The following HS2ST1 variants were observed in gnomAD, a reference collection of about 807,000 sequenced individuals.
HS2ST1 encodes 2-O-sulfotransferase.
Under a neutral mutation model 42.9 loss-of-function variants are expected in HS2ST1, and 18 were observed. The ratio of observed to expected loss-of-function variants is 0.42; its 90% CI spans 0.29 to 0.62. The LOEUF (loss-of-function observed/expected upper bound fraction) is 0.62. HS2ST1 is among the 20% of genes least tolerant of loss of function. HS2ST1 has a pLI of 0.21. For missense variants in HS2ST1, 334 were observed against 433.8 expected (o/e 0.77, Z 2.04); for synonymous variants, 146 against 152.9 (o/e 0.95, Z 0.33).
intron 1 of HS2ST1, among the ~76,000 whole-genome samples, chr1:86,930,765 C>T (rs1660526698): frequency 6.6e-6 from 1 of 151,924 alleles, no homozygotes; most frequent in African/African-American, 2.4e-5. Flanking sequence ...TTGCATTGTC[C>T]TCACATAAAT....
chr1:87,072,805 C>A, intron 1 of HS2ST1, 129 bp from the exon 2 acceptor site: 1 of 664,682 alleles, frequency 1.5e-6, no homozygotes, highest in Non-Finnish European at 2.6e-6. Flanking sequence ...TTTTCCATAT[C>A]CCTTGGTTCT....
At chr1:87,023,552 G>A (rs1650005743) in intron 1 of HS2ST1, among the ~76,000 whole-genome samples, 2 of 151,736 alleles carry the variant, frequency 1.3e-5, no homozygotes, top group African/African-American at 4.8e-5. Flanking sequence ...GTATCTCTAT[G>A]AACAGATTAA....
intron 1 of HS2ST1, among the ~76,000 whole-genome samples, chr1:86,943,287 T>C (rs1284745617): frequency 6.6e-6 from 1 of 152,196 alleles, no homozygotes; most frequent in Admixed American, 6.5e-5. Flanking sequence ...CATCTTATTA[T>C]GGAGAAAAAC....
chr1:86,985,083 C>T (rs1326575846), intron 1 of HS2ST1, among the ~76,000 whole-genome samples: 6 of 151,278 alleles, frequency 4.0e-5, no homozygotes, highest in Non-Finnish European at 7.4e-5. Flanking sequence ...TGGCCAGGCG[C>T]GGTGGCTCAT....
At chr1:86,963,755 C>CT (rs1182145187) in intron 1 of HS2ST1, among the ~76,000 whole-genome samples, 9 of 123,554 alleles carry the variant, frequency 7.3e-5, no homozygotes, top group African/African-American at 2.6e-4. Context: ...CCCCCCCCCC[C>CT]ACCTCCCGGA....
intron 1 of HS2ST1, among the ~76,000 whole-genome samples, chr1:87,015,236 A>G (rs566954546): frequency 1.3e-5 from 2 of 151,688 alleles, no homozygotes; most frequent in Non-Finnish European, 1.5e-5. Flanking sequence ...TTTAATAGAG[A>G]CGGGTTTCAC....
At chr1:87,095,182 T>A (rs1570544663) in intron 4 of HS2ST1, among the ~76,000 whole-genome samples, 1 of 152,288 alleles carries the variant, frequency 6.6e-6, no homozygotes, top group East Asian at 1.9e-4. Context: ...TAAGACTGCA[T>A]ACATATAACA....
At chr1:87,049,558 A>G (rs944327546) in intron 1 of HS2ST1, among the ~76,000 whole-genome samples, 2 of 151,848 alleles carry the variant, frequency 1.3e-5, no homozygotes, top group South Asian at 2.1e-4. Context: ...ATTTAGTCCA[A>G]GTATTTGTGG....
At chr1:86,947,720 A>T (rs1557489688) in intron 1 of HS2ST1, among the ~76,000 whole-genome samples, 1 of 152,020 alleles carries the variant, frequency 6.6e-6, no homozygotes, top group African/African-American at 2.4e-5. Context: ...GCATTCATTT[A>T]TTCAGAGTTA....
chr1:86,923,611 T>C (rs577797862), intron 1 of HS2ST1, among the ~76,000 whole-genome samples: 1 of 152,354 alleles, frequency 6.6e-6, no homozygotes, highest in East Asian at 1.9e-4. Context: ...TTAGCCAGGC[T>C]GGTCTTGATC....
intron 3 of HS2ST1, among the ~76,000 whole-genome samples, chr1:87,090,794 T>C (rs1438885201): frequency 6.6e-6 from 1 of 151,990 alleles, no homozygotes. Flanking sequence ...GTATTCCCTT[T>C]TTGATTCTAC....
At chr1:87,037,149 A>G (rs1650396045) in intron 1 of HS2ST1, among the ~76,000 whole-genome samples, 1 of 20,784 alleles carries the variant, frequency 4.8e-5, no homozygotes. Context: ...CGTCATTGAA[A>G]TATGCTTTTC....
At chr1:86,929,103 C>T (rs1660482610) in intron 1 of HS2ST1, among the ~76,000 whole-genome samples, 1 of 151,772 alleles carries the variant, frequency 6.6e-6, no homozygotes, top group Non-Finnish European at 1.5e-5. Context: ...GTAAATGATA[C>T]TTGTTTTTGC....
At chr1:86,963,411 A>G (rs897527627) in intron 1 of HS2ST1, among the ~76,000 whole-genome samples, 3 of 152,308 alleles carry the variant, frequency 2.0e-5, no homozygotes, top group East Asian at 3.9e-4. Flanking sequence ...CACATCTTGC[A>G]CTGCCCTTAA....
chr1:87,032,349 G>A (rs1246475188), intron 1 of HS2ST1, among the ~76,000 whole-genome samples: 1 of 152,062 alleles, frequency 6.6e-6, no homozygotes, highest in Non-Finnish European at 1.5e-5. Context: ...ATCTATTTTG[G>A]ATATGTGTTT....
At chr1:86,965,744 A>G (rs1265590352) in intron 1 of HS2ST1, among the ~76,000 whole-genome samples, 2 of 152,106 alleles carry the variant, frequency 1.3e-5, no homozygotes, top group Non-Finnish European at 2.9e-5. Context: ...TGCTACTTAG[A>G]TATAGTCCTC....
At position 86,915,141 on chromosome 1, in the gene HS2ST1, G is replaced by GGAGTCCCGCTCGAAGCTAGGT; in HGVS notation, c.109_124+5dup. 2 of 1,613,974 alleles carry GGAGTCCCGCTCGAAGCTAGGT rather than the reference G, an allele frequency of 1.2e-6. No homozygotes were observed. The highest frequency in any genetic ancestry group is 1.7e-6 in the Non-Finnish European group (2 of 1,179,892). On this transcript the variant is annotated inframe_insertion, in exon 1 of 7. Transcript: ENST00000370550. ...TGGAAAACCAGATCCAGAAACTGGA[G>GGAGTCCCGCTCGAAGCTAGGT]GAGTCCCGCTCGAAGCTAGGTGAGG...
At chr1:86,989,642 A>G (rs1444058320) in intron 1 of HS2ST1, among the ~76,000 whole-genome samples, 1 of 152,192 alleles carries the variant, frequency 6.6e-6, no homozygotes, top group East Asian at 1.9e-4. Context: ...ACATAGGTAT[A>G]CACGTGCCAT....
chr1:86,933,381 G>A (rs1660580517), intron 1 of HS2ST1, among the ~76,000 whole-genome samples: 1 of 152,168 alleles, frequency 6.6e-6, no homozygotes, highest in African/African-American at 2.4e-5. Flanking sequence ...AGTTTGGGAA[G>A]TTTCTATCAA....
Sources: gnomAD v4.1 joint callset for allele counts (sites outside exome capture counted in the v4.1 genomes callset) on GRCh38, gnomAD v4.1.1 for gene constraint, MANE v1.5 for transcripts, NCBI Gene and HGNC (gene_info 2026-07-23, HGNC 2026-07-21) for gene names.